ZBTB16: variants seen among roughly 807,000 people sequenced by gnomAD.
ZBTB16 encodes the protein zinc finger and BTB domain-containing protein 16.
ZBTB16 carries 8 observed loss-of-function variants against 56.8 expected under a neutral mutation model. The observed-to-expected ratio is 0.14, with a 90% confidence interval of 0.08 to 0.25. The LOEUF (loss-of-function observed/expected upper bound fraction) is 0.25, where lower values mean the gene tolerates loss of function less well. Among genes scored for constraint, ZBTB16 ranks in the 10% least tolerant of loss-of-function variants. The pLI is 1.00. For missense variants in ZBTB16, 625 were observed against 903.0 expected (o/e 0.69, Z 3.95); for synonymous variants, 363 against 368.5 (o/e 0.98, Z 0.17).
chr11:114,167,486 T>C (rs1942817932), intron 3 of ZBTB16, among the ~76,000 whole-genome samples: 1 of 151,540 alleles, frequency 6.6e-6, no homozygotes, highest in Admixed American at 6.6e-5. Flanking sequence ...ATCAGTAGGA[T>C]TTTTTTCACC....
intron 3 of ZBTB16, among the ~76,000 whole-genome samples, chr11:114,184,025 GA>G (rs975145636): frequency 6.6e-6 from 1 of 152,234 alleles, no homozygotes; most frequent in African/African-American, 2.4e-5. Context: ...GCCTCCAGGT[GA>G]AATTCAACCC....
At chr11:114,131,032 G>A (rs1941644922) in intron 2 of ZBTB16, among the ~76,000 whole-genome samples, 1 of 152,328 alleles carries the variant, frequency 6.6e-6, no homozygotes, top group African/African-American at 2.4e-5. Flanking sequence ...TGCAGCACAC[G>A]AGGGCCGGTA....
chr11:114,244,739 A>G (rs1006049377), intron 5 of ZBTB16, among the ~76,000 whole-genome samples: 1 of 151,954 alleles, frequency 6.6e-6, no homozygotes, highest in African/African-American at 2.4e-5. Context: ...GCTCCACTTC[A>G]TAATTAAATT....
intron 2 of ZBTB16, among the ~76,000 whole-genome samples, chr11:114,094,053 C>T (rs77782113): frequency 6.6e-5 from 10 of 152,326 alleles, no homozygotes; most frequent in Middle Eastern, 3.4e-3. Flanking sequence ...CGGTGGCTCA[C>T]GCCTGTAATC....
intron 2 of ZBTB16, among the ~76,000 whole-genome samples, chr11:114,068,310 GA>G (rs1466564872): frequency 2.6e-5 from 4 of 152,168 alleles, no homozygotes; most frequent in Non-Finnish European, 5.9e-5. Flanking sequence ...GGAAGGCAGG[GA>G]GTTTATTATG....
rs139944707 is a variant in ZBTB16 at position 114,254,018 on chromosome 11, C to T, written c.*3463C>T. 2.5e-3 allele frequency among the ~76,000 whole-genome samples: 377 copies of T among 152,192 alleles called. No individual in the cohort carries two copies. Among genetic ancestry groups the T allele is most frequent in the African/African-American group, 8.6e-3 (357 of 41,508 alleles). ...AAACTTCTCCAGCCTGGCAAGGCCACGTTGGTTAATAGTCCCTTTCCCATG... is the reference window on the plus strand; with the variant it reads ...AAACTTCTCCAGCCTGGCAAGGCCATGTTGGTTAATAGTCCCTTTCCCATG... On this transcript the variant is annotated 3_prime_UTR_variant, in exon 7 of 7. Coordinates refer to ENST00000335953, the MANE Select transcript of ZBTB16 (RefSeq NM_006006.6).
At chr11:114,202,183 C>T (rs1021200622) in intron 4 of ZBTB16, among the ~76,000 whole-genome samples, 3 of 152,206 alleles carry the variant, frequency 2.0e-5, no homozygotes, top group African/African-American at 7.2e-5. Context: ...AGAGCTTTTT[C>T]TTACACCGAC....
At chr11:114,184,673 G>C (rs2135054399) in intron 3 of ZBTB16, among the ~76,000 whole-genome samples, 1 of 152,260 alleles carries the variant, frequency 6.6e-6, no homozygotes, top group South Asian at 2.1e-4. Context: ...CTGCTACCTG[G>C]AGGTAATGCT....
rs1942657844 is a variant in ZBTB16 at position 114,163,581 on chromosome 11, C to T, written c.1366+7147C>T. On this transcript the variant is annotated intron_variant, in intron 3 of 6. Transcript: ENST00000335953. Reference sequence around the variant, plus strand: ...CCTGGGTCCCCCGGTCCTAGTCAGGCCAGCTGAACCGAGAAAGTTGGGAAA... The same window carrying T: ...CCTGGGTCCCCCGGTCCTAGTCAGGTCAGCTGAACCGAGAAAGTTGGGAAA... Among the ~76,000 whole-genome samples, 3 of 152,088 alleles carry T rather than the reference C, an allele frequency of 2.0e-5. No individual in the cohort carries two copies. In the South Asian group the frequency reaches 6.2e-4, roughly 32 times the overall value.
intron 3 of ZBTB16, among the ~76,000 whole-genome samples, chr11:114,183,871 G>GA: frequency 6.6e-6 from 1 of 152,188 alleles, no homozygotes; most frequent in African/African-American, 2.4e-5. Flanking sequence ...GTGAACACAT[G>GA]TCATGACTGC....
At chr11:114,164,815 G>T (rs1422607804) in intron 3 of ZBTB16, among the ~76,000 whole-genome samples, 1 of 152,040 alleles carries the variant, frequency 6.6e-6, no homozygotes, top group African/African-American at 2.4e-5. Context: ...CAGTGCTCTT[G>T]TCCAGGTCTC....
At chr11:114,147,423 TGCTGGTTAAAA>T (rs375112597) in intron 2 of ZBTB16, among the ~76,000 whole-genome samples, 33 of 152,384 alleles carry the variant, frequency 2.2e-4, no homozygotes, top group African/African-American at 7.5e-4. Flanking sequence ...CGGTTATTTG[TGCTGGTTAAAA>T]GCCTTGTACG....
intron 2 of ZBTB16, among the ~76,000 whole-genome samples, chr11:114,093,413 T>C (rs1940265844): frequency 6.6e-6 from 1 of 152,082 alleles, no homozygotes; most frequent in South Asian, 2.1e-4. Context: ...CCGATTCCCC[T>C]CTCTTCCTCC....
Position 114,064,427 on chromosome 11 carries a change from C to A in ZBTB16, c.1127C>A (p.Pro376His). 1 of 1,614,090 alleles carries A rather than the reference C, an allele frequency of 6.2e-7. No homozygotes were observed. Residue 376 changes from proline (P) to histidine (H), a missense_variant, in exon 2 of 7, where the codon CCC becomes CAC. By Grantham distance (77) the Pro-to-His change is moderately conservative. This residue lies in a region of ZBTB16 where 384 missense variants were observed against 393.5 expected (regional missense o/e 0.98). Coordinates refer to ENST00000335953, the MANE Select transcript of ZBTB16 (RefSeq NM_006006.6). The surrounding 1 kb of genome is among the most constrained non-coding windows in gnomAD (Gnocchi z 4.2). ...MDFSTYGGLLPQGFIQRELFS... is the reference protein window; with the variant it reads ...MDFSTYGGLLHQGFIQRELFS... ...TTCAGCACCTATGGGGGGCTGCTGCCCCAGGGCTTCATCCAGAGGGAGCTG... is the reference window on the plus strand; with the variant it reads ...TTCAGCACCTATGGGGGGCTGCTGCACCAGGGCTTCATCCAGAGGGAGCTG...
At chr11:114,227,861 T>C (rs1188755757) in intron 4 of ZBTB16, among the ~76,000 whole-genome samples, 25 of 152,248 alleles carry the variant, frequency 1.6e-4, no homozygotes, top group Non-Finnish European at 1.5e-5. Context: ...TGGTAAATTA[T>C]ATGTAATGCA....
chr11:114,212,341 T>C (rs1470341609), intron 4 of ZBTB16, among the ~76,000 whole-genome samples: 1 of 152,114 alleles, frequency 6.6e-6, no homozygotes, highest in Non-Finnish European at 1.5e-5. Flanking sequence ...AGTAAGGGGC[T>C]TTGTTGTGCC....
rs763834784 is a variant in ZBTB16 at position 114,063,962 on chromosome 11, C to T, written c.662C>T (p.Pro221Leu). The T allele has an allele frequency of 2.5e-6, 4 of 1,613,774 alleles. No individual in the cohort carries two copies. In the Admixed American group the frequency reaches 5.0e-5, roughly 20 times the overall value. The part of the protein sequence containing the change: ...QSLLQGTLQP[P>L]AGPEEPTLAG... The stretch of plus-strand genomic sequence containing the variant: ...CTCCTGCAGGGAACTCTTCAGCCAC[C>T]TGCAGGGCCCGAGGAGCCAACTCTG... The change falls in exon 2 of 7, where the codon CCT (proline) becomes CTT (leucine). Residue 221 changes from proline to leucine, a missense_variant. By Grantham distance (98) the Pro-to-Leu change is moderately conservative. Around this residue, in one of 6 missense-constraint regions of ZBTB16, gnomAD observed 384 missense variants for 393.5 expected, o/e 0.98. Transcript: ENST00000335953. This position sits in a 1 kb window ranked among gnomAD's most constrained non-coding sequence, Gnocchi z 6.5.
intron 4 of ZBTB16, among the ~76,000 whole-genome samples, chr11:114,191,429 G>A (rs1164707145): frequency 1.3e-5 from 2 of 152,208 alleles, no homozygotes; most frequent in East Asian, 3.8e-4. Context: ...AAGGTTTGAA[G>A]TCTAGGAACA....
chr11:114,168,910 T>C (rs564733449), intron 3 of ZBTB16, among the ~76,000 whole-genome samples: 12 of 152,220 alleles, frequency 7.9e-5, no homozygotes, highest in African/African-American at 2.6e-4. Context: ...CAGAGGAGCA[T>C]GTGTTCAGTG....
Sources: gnomAD v4.1 joint callset for allele counts (sites outside exome capture counted in the v4.1 genomes callset) on GRCh38, gnomAD v4.1.1 for gene constraint, gnomAD v4.1.1 regional missense constraint, Gnocchi (gnomAD v3.1) non-coding constraint, MANE v1.5 for transcripts, NCBI Gene and HGNC (gene_info 2026-07-23, HGNC 2026-07-21) for gene names.